The following PTPN13 variants were observed in gnomAD, a reference collection of about 807,000 sequenced individuals.
PTPN13 encodes tyrosine-protein phosphatase non-receptor type 13.
In PTPN13, 191 loss-of-function variants were observed where a neutral mutation model predicts 284.0. That is an observed-to-expected ratio of 0.67 (90% CI 0.60 to 0.76). The LOEUF (loss-of-function observed/expected upper bound fraction) is 0.76, where lower values mean the gene tolerates loss of function less well. PTPN13 is among the 30% of genes least tolerant of loss of function. PTPN13 has a pLI of 0.00. For synonymous variants in PTPN13, 986 were observed against 1,022.3 expected (o/e 0.96, Z 0.68); for missense variants, 2,797 against 2,939.9 (o/e 0.95, Z 1.12).
intron 37 of PTPN13, among the ~76,000 whole-genome samples, chr4:86,783,506 G>A (rs1382738366): frequency 6.6e-6 from 1 of 152,108 alleles, no homozygotes; most frequent in Non-Finnish European, 1.5e-5. Flanking sequence ...GTTCATGGCT[G>A]CCAGCATTTT....
chr4:86,786,013 C>T, intron 40 of PTPN13, 77 bp downstream of exon 40: 3 of 725,808 alleles, frequency 4.1e-6, no homozygotes, highest in Non-Finnish European at 6.2e-6. Flanking sequence ...GTGAAATAAT[C>T]AGAGATTCTT....
At chr4:86,742,738 T>C (rs1736296076) in intron 16 of PTPN13, among the ~76,000 whole-genome samples, 1 of 152,200 alleles carries the variant, frequency 6.6e-6, no homozygotes, top group Non-Finnish European at 1.5e-5. Context: ...TTACCTGGGT[T>C]TAACTTACCT....
chr4:86,744,381 A>G (rs999530999), intron 16 of PTPN13, among the ~76,000 whole-genome samples: 3 of 152,150 alleles, frequency 2.0e-5, no homozygotes, highest in Admixed American at 6.6e-5. Context: ...GTTTGTAAAC[A>G]TTACCATAAA....
chr4:86,767,353 C>T (rs992295903), intron 27 of PTPN13, among the ~76,000 whole-genome samples: 1 of 151,334 alleles, frequency 6.6e-6, no homozygotes, highest in African/African-American at 2.4e-5. Context: ...TCAAGCAATT[C>T]TCCTGCCTCG....
intron 15 of PTPN13, among the ~76,000 whole-genome samples, chr4:86,736,386 A>C (rs1313468518): frequency 2.6e-5 from 4 of 152,150 alleles, no homozygotes; most frequent in South Asian, 4.1e-4. Flanking sequence ...GAAAAGACAA[A>C]TTTTCAGAAC....
At chr4:86,750,108 A>G (rs1169424282) in intron 17 of PTPN13, among the ~76,000 whole-genome samples, 1 of 152,198 alleles carries the variant, frequency 6.6e-6, no homozygotes, top group Admixed American at 6.5e-5. Flanking sequence ...TAGCAGAGAC[A>G]GTACTAGGTT....
At chr4:86,747,171 T>C (rs184466008) in intron 17 of PTPN13, among the ~76,000 whole-genome samples, 1 of 152,350 alleles carries the variant, frequency 6.6e-6, no homozygotes, top group East Asian at 1.9e-4. Context: ...ACATTTCTTA[T>C]ACTGAAGAAC....
intron 15 of PTPN13, among the ~76,000 whole-genome samples, chr4:86,740,149 G>A (rs541449961): frequency 2.6e-5 from 4 of 152,274 alleles, no homozygotes; most frequent in Admixed American, 2.6e-4. Flanking sequence ...GAGGACAGTG[G>A]CCCTCTTCTC....
At position 86,769,940 on chromosome 4, in the gene PTPN13, T is replaced by C. The variant is rs1739789384; in HGVS notation, c.4661T>C (p.Ile1554Thr). 1.9e-6 allele frequency: 3 copies of C among 1,613,998 alleles called. No individual in the cohort carries two copies. The highest frequency in any genetic ancestry group is 2.5e-6 in the Non-Finnish European group (3 of 1,179,884). ...GGAAAAATTGATGTAGGAGATGTTA[T>C]CTTGAAAGTGAATGGAGCCTCTTTG... The part of the protein sequence containing the change: ...ESGKIDVGDV[I>T]LKVNGASLKG... The change falls in exon 29 of 48, where the codon ATC becomes ACC. Residue 1554 changes from isoleucine (I) to threonine (T), a missense_variant. By Grantham distance (89) the Ile-to-Thr change is moderately conservative. Coordinates refer to ENST00000411767, the MANE Select transcript of PTPN13 (RefSeq NM_080683.3).
chr4:86,741,613 G>T (rs747946298), intron 15 of PTPN13, 21 bp from the exon 16 acceptor site: 3 of 1,598,686 alleles, frequency 1.9e-6, no homozygotes, highest in African/African-American at 1.3e-5. Context: ...GTATTGCTAT[G>T]GTATGGTATT....
intron 40 of PTPN13, among the ~76,000 whole-genome samples, chr4:86,796,354 G>T (rs1003098915): frequency 1.3e-5 from 2 of 152,086 alleles, no homozygotes; most frequent in African/African-American, 4.8e-5. Context: ...TGAAGGCCAG[G>T]CTGGCTTCAG....
At chr4:86,671,669 G>C (rs1328402014) in intron 2 of PTPN13, among the ~76,000 whole-genome samples, 1 of 151,786 alleles carries the variant, frequency 6.6e-6, no homozygotes, top group Non-Finnish European at 1.5e-5. Flanking sequence ...GATCACATTT[G>C]GTAGTACAAA....
intron 3 of PTPN13, 103 bp from the exon 4 acceptor site, chr4:86,686,607 G>A (rs1729485041): frequency 1.3e-6 from 1 of 746,802 alleles, no homozygotes; most frequent in Non-Finnish European, 2.2e-6. Context: ...CTCAAATTGT[G>A]TATTATATTT....
chr4:86,732,897 A>C, intron 12 of PTPN13, 131 bp downstream of exon 12: 3 of 606,938 alleles, frequency 4.9e-6, no homozygotes, highest in Non-Finnish European at 7.6e-6. Flanking sequence ...GAAGTGAGTT[A>C]GGAACTCCCT....
At chr4:86,690,422 G>A (rs1729898654) in intron 5 of PTPN13, 1 of 152,060 alleles carries the variant, frequency 6.6e-6, no homozygotes, top group South Asian at 2.1e-4. Flanking sequence ...TTTCACTGGA[G>A]AACTTCTTAG....
At chr4:86,706,570 T>A (rs1327394359) in intron 7 of PTPN13, among the ~76,000 whole-genome samples, 1 of 152,180 alleles carries the variant, frequency 6.6e-6, no homozygotes, top group East Asian at 1.9e-4. Context: ...TATGGTCGAA[T>A]CTTTAAGGCA....
rs991985310 is a variant in PTPN13 at position 86,765,374 on chromosome 4, A to T, written c.4150-21A>T. 5 of 1,554,556 alleles carry T rather than the reference A, an allele frequency of 3.2e-6. No individual in the cohort carries two copies. The African/African-American group carries it at 6.8e-5, about 21-fold the overall frequency. On this transcript the variant is annotated intron_variant, in intron 25 of 47. Coordinates refer to ENST00000411767, the MANE Select transcript of PTPN13 (RefSeq NM_080683.3). ...AAAATTTTTCATGTTATAAAATATTATTTTGTCTTTTTCTCTTTAGGGAGG... is the reference window on the plus strand; with the variant it reads ...AAAATTTTTCATGTTATAAAATATTTTTTTGTCTTTTTCTCTTTAGGGAGG...
chr4:86,610,221 T>C (rs1396700601), intron 1 of PTPN13, among the ~76,000 whole-genome samples: 4 of 151,888 alleles, frequency 2.6e-5, no homozygotes, highest in African/African-American at 7.3e-5. Context: ...AAAAATAAAA[T>C]AAAATAAAAT....
At chr4:86,668,912 G>C (rs967256487) in intron 2 of PTPN13, among the ~76,000 whole-genome samples, 2 of 151,462 alleles carry the variant, frequency 1.3e-5, no homozygotes, top group African/African-American at 4.9e-5. Flanking sequence ...CAGCCTGTCT[G>C]TATTTTTTTA....
Sources: gnomAD v4.1 joint callset for allele counts (sites outside exome capture counted in the v4.1 genomes callset) on GRCh38, gnomAD v4.1.1 for gene constraint, MANE v1.5 for transcripts, NCBI Gene and HGNC (gene_info 2026-07-23, HGNC 2026-07-21) for gene names.